Variants in GALNT18 observed in about 807,000 individuals in gnomAD.
The protein encoded by GALNT18 is polypeptide N-acetylgalactosaminyltransferase 18, also known as GalNAc-transferase 18.
A neutral mutation model predicts 69.5 loss-of-function variants in GALNT18; 44 were observed. That is an observed-to-expected ratio of 0.63 (90% CI 0.50 to 0.81). The LOEUF (loss-of-function observed/expected upper bound fraction) is 0.81. GALNT18 is among the 40% of genes least tolerant of loss of function. GALNT18 has a pLI of 0.00. For missense variants in GALNT18, 715 were observed against 810.0 expected (o/e 0.88, Z 1.42); for synonymous variants, 364 against 318.2 (o/e 1.14, Z -1.53).
intron 1 of GALNT18, among the ~76,000 whole-genome samples, chr11:11,502,633 T>G (rs1323809667): frequency 6.6e-6 from 1 of 152,176 alleles, no homozygotes; most frequent in Non-Finnish European, 1.5e-5. Context: ...GGTTAATCAT[T>G]TGTTTGATTG....
intron 9 of GALNT18, among the ~76,000 whole-genome samples, chr11:11,302,073 C>A (rs1298939696): frequency 6.6e-6 from 1 of 152,198 alleles, no homozygotes; most frequent in African/African-American, 2.4e-5. Flanking sequence ...GCCACAGACG[C>A]TTGACAGTAC....
intron 3 of GALNT18, among the ~76,000 whole-genome samples, chr11:11,395,898 C>T (rs773758692): frequency 2.6e-5 from 4 of 151,932 alleles, no homozygotes; most frequent in African/African-American, 7.3e-5. Flanking sequence ...GACCACGATG[C>T]AAATGTCAAC....
rs946527336 is a variant in GALNT18, at chr11:11,605,998, C to T, written c.235+15361G>A. 6.6e-6 allele frequency among the ~76,000 whole-genome samples: 1 copy of T among 152,118 alleles called. No individual in the cohort carries two copies. The highest frequency in any genetic ancestry group is 2.4e-5 in the African/African-American group (1 of 41,408). On this transcript the variant is annotated intron_variant, in intron 1 of 10. Coordinates refer to ENST00000227756, the MANE Select transcript of GALNT18 (RefSeq NM_198516.3). This position sits in a 1 kb window ranked among gnomAD's most constrained non-coding sequence, Gnocchi z 4.7. ...AGCTGTGAGGGGCTATGAGAGAGAC[C>T]CCAGAAGCATGAGCGTTCCTGTCCC...
intron 1 of GALNT18, among the ~76,000 whole-genome samples, chr11:11,499,146 A>G (rs1290416679): frequency 6.6e-6 from 1 of 152,174 alleles, no homozygotes; most frequent in Non-Finnish European, 1.5e-5. Flanking sequence ...TTATATGATC[A>G]GCCAGCCTTA....
rs1421763351 is a variant in GALNT18, at chr11:11,309,668, C to T, written c.1513-16475G>A. 6.6e-6 allele frequency among the ~76,000 whole-genome samples: 1 copy of T among 152,162 alleles called. No homozygotes were observed. The highest frequency in any genetic ancestry group is 1.9e-4 in the East Asian group (1 of 5,192). ...TCCACCACAAACTCATGATCTTTAA[C>T]CTCAACCAGGTACTTCAACACAACC... On this transcript the variant is annotated intron_variant, in intron 9 of 10. Transcript: ENST00000227756. The surrounding 1 kb of genome is among the most constrained non-coding windows in gnomAD (Gnocchi z 4.6).
At chr11:11,327,778 G>A (rs1759477803) in intron 8 of GALNT18, among the ~76,000 whole-genome samples, 1 of 152,200 alleles carries the variant, frequency 6.6e-6, no homozygotes, top group African/African-American at 2.4e-5. Flanking sequence ...ATCCAGTCTT[G>A]GCAATTAACA....
In GALNT18 at chr11:11,347,837, C is replaced by T. The variant is rs1564904018; in HGVS notation, c.1093-6833G>A. ...GTCTCGCCTAACTTGGCTGCAAAAG[C>T]AGAGACAAGAGTGAAAAGCCAAAAC... On this transcript the variant is annotated intron_variant, in intron 6 of 10. Transcript: ENST00000227756. The surrounding 1 kb of genome is among the most constrained non-coding windows in gnomAD (Gnocchi z 4.0). 1.3e-5 allele frequency among the ~76,000 whole-genome samples: 2 copies of T among 152,188 alleles called. No homozygotes were observed. Among genetic ancestry groups the T allele is most frequent in the African/African-American group, 2.4e-5 (1 of 41,450 alleles).
chr11:11,397,794 G>A (rs1006381217), intron 3 of GALNT18, among the ~76,000 whole-genome samples: 1 of 152,190 alleles, frequency 6.6e-6, no homozygotes, highest in South Asian at 2.1e-4. Context: ...ATTTTTAAAA[G>A]GGCATAGAAA....
intron 1 of GALNT18, among the ~76,000 whole-genome samples, chr11:11,478,777 GCTGACTC>G (rs1564969615): frequency 6.6e-6 from 1 of 151,534 alleles, no homozygotes; most frequent in Non-Finnish European, 1.5e-5. Flanking sequence ...AGCAGAGCAG[GCTGACTC>G]CTGCAAGCCG....
chr11:11,270,996 A>G lies in GALNT18; in HGVS notation c.*148T>C. On this transcript the variant is annotated 3_prime_UTR_variant, in exon 11 of 11. Coordinates refer to ENST00000227756, the MANE Select transcript of GALNT18 (RefSeq NM_198516.3). Reference sequence around the variant, plus strand: ...CAATCAGCATCTTTCTATAAACTCCATGAAAATTGAATAGGAAATAAAAAG... The same window carrying G: ...CAATCAGCATCTTTCTATAAACTCCGTGAAAATTGAATAGGAAATAAAAAG... The G allele has an allele frequency of 3.2e-6, 2 of 621,592 alleles. 1 individual carries two copies. Among genetic ancestry groups the G allele is most frequent in the South Asian group, 5.6e-5 (2 of 35,710 alleles). The allele number at this position is 621,592 out of a possible 1,614,324, so 38.5% of individuals were successfully genotyped here.
chr11:11,276,996 G>T (rs562571120), intron 10 of GALNT18, among the ~76,000 whole-genome samples: 3 of 152,302 alleles, frequency 2.0e-5, no homozygotes, highest in African/African-American at 7.2e-5. Context: ...TCTCTGCCAG[G>T]TTTTGGTATC....
chr11:11,317,069 T>C (rs1398506330), intron 9 of GALNT18, among the ~76,000 whole-genome samples: 1 of 152,262 alleles, frequency 6.6e-6, no homozygotes, highest in Non-Finnish European at 1.5e-5. Flanking sequence ...TCAGGGCTAA[T>C]ATTCTCAGTT....
At chr11:11,529,568 A>T (rs1476810470) in intron 1 of GALNT18, among the ~76,000 whole-genome samples, 1 of 152,094 alleles carries the variant, frequency 6.6e-6, no homozygotes, top group Non-Finnish European at 1.5e-5. Flanking sequence ...CCAATTTCAG[A>T]TCTTGGGGCT....
intron 6 of GALNT18, among the ~76,000 whole-genome samples, chr11:11,366,575 A>G (rs1389458208): frequency 6.6e-6 from 1 of 152,262 alleles, no homozygotes; most frequent in South Asian, 2.1e-4. Flanking sequence ...TTAGGATAAT[A>G]CTATCTGGCT....
intron 10 of GALNT18, among the ~76,000 whole-genome samples, chr11:11,273,895 G>A (rs1848879394): frequency 1.3e-5 from 2 of 152,144 alleles, no homozygotes; most frequent in Non-Finnish European, 2.9e-5. Flanking sequence ...TCACTGTCAA[G>A]ATGGCTGAAT....
chr11:11,456,253 T>C (rs1012655750), intron 1 of GALNT18, among the ~76,000 whole-genome samples: 1 of 152,138 alleles, frequency 6.6e-6, no homozygotes, highest in Non-Finnish European at 1.5e-5. Context: ...AATCCCATCA[T>C]AGATAAGAGA....
At chr11:11,350,373 T>A (rs921813736) in intron 6 of GALNT18, among the ~76,000 whole-genome samples, 10 of 152,214 alleles carry the variant, frequency 6.6e-5, no homozygotes, top group African/African-American at 1.9e-4. Context: ...TCATTGAGAC[T>A]AGAAGTTATC....
rs1855869048 is a variant in GALNT18 at position 11,454,042 on chromosome 11, C to A, written c.236-5106G>T. On this transcript the variant is annotated intron_variant, in intron 1 of 10. Coordinates refer to ENST00000227756, the MANE Select transcript of GALNT18 (RefSeq NM_198516.3). The surrounding 1 kb of genome is among the most constrained non-coding windows in gnomAD (Gnocchi z 4.2). ...CGCCTAGTAGGTGCTTAACCAATACCAGTAAAATGAACGAATAGGGCATTA... is the reference window on the plus strand; with the variant it reads ...CGCCTAGTAGGTGCTTAACCAATACAAGTAAAATGAACGAATAGGGCATTA... Among the ~76,000 whole-genome samples, 1 of 152,124 alleles carries A rather than the reference C, an allele frequency of 6.6e-6. No individual in the cohort carries two copies. The highest frequency in any genetic ancestry group is 2.4e-5 in the African/African-American group (1 of 41,422).
intron 6 of GALNT18, among the ~76,000 whole-genome samples, chr11:11,361,846 G>A (rs1850652891): frequency 2.6e-5 from 4 of 152,178 alleles, no homozygotes; most frequent in Non-Finnish European, 5.9e-5. Context: ...TGATACTTGT[G>A]TCTTGCCTAG....
Sources: allele counts gnomAD v4.1 joint callset (sites outside exome capture counted in the v4.1 genomes callset), GRCh38; gene constraint gnomAD v4.1.1; non-coding constraint Gnocchi (gnomAD v3.1); transcripts MANE v1.5; gene names NCBI Gene and HGNC (gene_info 2026-07-23, HGNC 2026-07-21).